Variants in XRN2 observed in about 807,000 individuals in gnomAD.
XRN2 encodes the protein DHM1-like protein.
A neutral mutation model predicts 138.5 loss-of-function variants in XRN2; 44 were observed. The observed-to-expected ratio is 0.32, with a 90% CI of 0.25 to 0.41. The LOEUF is 0.41. Among genes scored for constraint, XRN2 ranks in the 10% least tolerant of loss-of-function variants. XRN2 has a pLI of 1.00. For missense variants in XRN2, 937 were observed against 1,169.3 expected (o/e 0.80, Z 2.90); for synonymous variants, 354 against 369.4 (o/e 0.96, Z 0.48).
rs191372425 is a variant in XRN2, at chr20:21,364,609, C to T, written c.2256-812C>T. Among the ~76,000 whole-genome samples, 14 of 152,136 alleles carry T rather than the reference C, an allele frequency of 9.2e-5. No individual in the cohort carries two copies. In the East Asian group the frequency reaches 2.5e-3, roughly 27 times the overall value. ...GTCTTATGAGTCCAGGAGTTCAAGG[C>T]CATCCTGGGCCATGTGGGGAAACCC... On this transcript the variant is annotated intron_variant, in intron 24 of 29. Coordinates refer to ENST00000377191, the MANE Select transcript of XRN2 (RefSeq NM_012255.5).
intron 1 of XRN2, among the ~76,000 whole-genome samples, chr20:21,308,753 T>C (rs972810261): frequency 6.6e-6 from 1 of 152,226 alleles, no homozygotes; most frequent in African/African-American, 2.4e-5. Context: ...GCAAATATTT[T>C]CTCTTGATCT....
intron 17 of XRN2, among the ~76,000 whole-genome samples, chr20:21,347,231 C>T (rs2038447636): frequency 6.6e-6 from 1 of 152,074 alleles, no homozygotes; most frequent in Non-Finnish European, 1.5e-5. Context: ...CTGGAAAATA[C>T]AAATAAGAAT....
At position 21,316,112 on chromosome 20, in the gene XRN2, G is replaced by C. The variant is rs866027164; in HGVS notation, c.76-10167G>C. On this transcript the variant is annotated intron_variant, in intron 1 of 29. Transcript: ENST00000377191. The stretch of plus-strand genomic sequence containing the variant: ...TACTGAAAATACAGAAAATTAGCCG[G>C]GTGTGGTGGTGGGCGCCTGTAATCC... 2.2e-4 allele frequency among the ~76,000 whole-genome samples: 34 copies of C among 152,158 alleles called. No homozygotes were observed. The South Asian group carries it at 3.9e-3, about 18-fold the overall frequency.
At chr20:21,340,375 G>A (rs1367230625) in intron 14 of XRN2, among the ~76,000 whole-genome samples, 1 of 152,028 alleles carries the variant, frequency 6.6e-6, no homozygotes, top group African/African-American at 2.4e-5. Context: ...AAATTATTTT[G>A]TTTTTATTAG....
At chr20:21,321,546 C>T (rs2038046362) in intron 1 of XRN2, among the ~76,000 whole-genome samples, 1 of 151,982 alleles carries the variant, frequency 6.6e-6, no homozygotes, top group African/African-American at 2.4e-5. Context: ...CCTTGAACTC[C>T]TGGGTGCAAG....
At chr20:21,308,337 C>A (rs556290957) in intron 1 of XRN2, among the ~76,000 whole-genome samples, 1 of 152,124 alleles carries the variant, frequency 6.6e-6, no homozygotes, top group Non-Finnish European at 1.5e-5. Flanking sequence ...ATTGTAGGGA[C>A]GTATGCTTGC....
intron 27 of XRN2, among the ~76,000 whole-genome samples, chr20:21,374,998 T>C (rs1449050364): frequency 2.7e-5 from 4 of 147,302 alleles, no homozygotes; most frequent in Admixed American, 6.9e-5. Flanking sequence ...CTTATGTTGG[T>C]TTTGGTAAGT....
At position 21,346,541 on chromosome 20, in the gene XRN2, T is replaced by C. The variant is rs1355857130; in HGVS notation, c.1656T>C (p.Tyr552=). Reference sequence around the variant, plus strand: ...AAGGACTTTGCTGGGTTCTTAGATATTATTACCAGGTACAAAAAGAATATT... The same window carrying C: ...AAGGACTTTGCTGGGTTCTTAGATACTATTACCAGGTACAAAAAGAATATT... The part of the protein sequence containing the change: ...YVEGLCWVLR[Y]YYQGCASWKW... The change falls in exon 17 of 30, where the codon TAT becomes TAC. Residue 552 remains tyrosine (Y), a synonymous_variant. Coordinates refer to ENST00000377191, the MANE Select transcript of XRN2 (RefSeq NM_012255.5). 2.5e-6 allele frequency: 4 copies of C among 1,613,484 alleles called. No individual in the cohort carries two copies. Among genetic ancestry groups the C allele is most frequent in the Admixed American group, 3.3e-5 (2 of 59,914 alleles).
chr20:21,358,888 C>T (rs2038605606), intron 24 of XRN2, among the ~76,000 whole-genome samples: 1 of 152,188 alleles, frequency 6.6e-6, no homozygotes, highest in Non-Finnish European at 1.5e-5. Context: ...CTGGCTCTGA[C>T]AGATTCAGTG....
At chr20:21,334,333 A>T (rs923789560) in intron 13 of XRN2, 148 bp downstream of exon 13, 1 of 672,868 alleles carries the variant, frequency 1.5e-6, no homozygotes, top group African/African-American at 1.8e-5. Flanking sequence ...CAGTGCTTTG[A>T]TTATTTTATA....
At position 21,386,957 on chromosome 20, in the gene XRN2, C is replaced by CT; in HGVS notation, c.2739dup (p.Gly914TrpfsTer11). On this transcript the variant is annotated frameshift_variant, in exon 29 of 30. Coordinates refer to ENST00000377191, the MANE Select transcript of XRN2 (RefSeq NM_012255.5). LOFTEE classifies it high-confidence loss of function. ...CAGCCAAACCAGTACCAGATGCTAG[C>CT]TGGGCCTGGTGGGTATCCACCCAGA... 1 of 1,613,958 alleles carries CT rather than the reference C, an allele frequency of 6.2e-7. No individual in the cohort carries two copies. Among genetic ancestry groups the CT allele is most frequent in the Non-Finnish European group, 8.5e-7 (1 of 1,179,820 alleles).
intron 27 of XRN2, among the ~76,000 whole-genome samples, chr20:21,374,691 A>C (rs2038799073): frequency 6.6e-6 from 1 of 152,112 alleles, no homozygotes; most frequent in Non-Finnish European, 1.5e-5. Flanking sequence ...ATGTCACTAC[A>C]TTCTATGTGT....
intron 1 of XRN2, among the ~76,000 whole-genome samples, chr20:21,316,117 G>GGTGGTGGGCGCCTGTAC (rs1387654083): frequency 1.3e-5 from 2 of 152,066 alleles, no homozygotes; most frequent in Non-Finnish European, 2.9e-5. Flanking sequence ...AGCCGGGTGT[G>GGTGGTGGGCGCCTGTAC]GTGGTGGGCG....
rs150230004 is a variant in XRN2 at position 21,346,525 on chromosome 20, G to C, written c.1640G>C (p.Cys547Ser). 8,330 of 1,613,962 alleles carry C rather than the reference G, an allele frequency of 5.2e-3. 31 individuals are homozygous for C. Among genetic ancestry groups the C allele is most frequent in the South Asian group, 6.1e-3 (555 of 91,060 alleles). The change falls in exon 17 of 30, where the codon TGC becomes TCC. Residue 547 changes from cysteine (C) to serine (S), a missense_variant. Coordinates refer to ENST00000377191, the MANE Select transcript of XRN2 (RefSeq NM_012255.5). ...GTGCAGTCGTACGTTGAAGGACTTT[G>C]CTGGGTTCTTAGATATTATTACCAG... ...KVVQSYVEGL[C>S]WVLRYYYQGC...
chr20:21,325,513 T>G (rs1356073822), intron 1 of XRN2, among the ~76,000 whole-genome samples: 1 of 152,114 alleles, frequency 6.6e-6, no homozygotes, highest in Non-Finnish European at 1.5e-5. Context: ...GTGAGTGACA[T>G]TTGATTTGAG....
In XRN2 at chr20:21,359,990, T is replaced by C. The variant is rs553475238; in HGVS notation, c.2255+2198T>C. The stretch of plus-strand genomic sequence containing the variant: ...GTTCTTCCCATTGTATTCATTCTTA[T>C]CTGTAGTGCTCAGAAAGTATGTTAT... On this transcript the variant is annotated intron_variant, in intron 24 of 29. Coordinates refer to ENST00000377191, the MANE Select transcript of XRN2 (RefSeq NM_012255.5). Among the ~76,000 whole-genome samples, 3 of 152,250 alleles carry C rather than the reference T, an allele frequency of 2.0e-5. No homozygotes were observed. In the East Asian group the frequency reaches 5.8e-4, roughly 29 times the overall value.
At chr20:21,335,472 C>G (rs768916447) in intron 13 of XRN2, among the ~76,000 whole-genome samples, 4 of 152,140 alleles carry the variant, frequency 2.6e-5, no homozygotes, top group South Asian at 4.1e-4. Context: ...AGCTAGTGAT[C>G]TCTTATTTTT....
chr20:21,350,445 G>GTA (rs2038493116), intron 20 of XRN2, among the ~76,000 whole-genome samples: 1 of 132,500 alleles, frequency 7.5e-6, no homozygotes, highest in Non-Finnish European at 1.5e-5. Context: ...AGAATGGCGT[G>GTA]AACCCGGGAG....
In XRN2 at chr20:21,354,769, A is replaced by G. The variant is rs1393092292; in HGVS notation, c.1937-20A>G. The G allele has an allele frequency of 1.2e-6, 2 of 1,612,970 alleles. No homozygotes were observed. The highest frequency in any genetic ancestry group is 1.1e-5 in the South Asian group (1 of 90,820). On this transcript the variant is annotated intron_variant, in intron 20 of 29. Coordinates refer to ENST00000377191, the MANE Select transcript of XRN2 (RefSeq NM_012255.5). ...GTGATCCTGGTAGCAGGGGTGGTTC[A>G]TTTGCACTTGTTTTTTCAGGTGTTG...
Sources: allele counts gnomAD v4.1 joint callset (sites outside exome capture counted in the v4.1 genomes callset), GRCh38; gene constraint gnomAD v4.1.1; transcripts MANE v1.5; gene names NCBI Gene and HGNC (gene_info 2026-07-23, HGNC 2026-07-21).